The following AP2B1 variants were observed in gnomAD, a reference collection of about 807,000 sequenced individuals.
AP2B1 encodes the protein adaptor related protein complex 2 subunit beta 1, also known as AP-2 complex subunit beta.
In AP2B1, 23 loss-of-function variants were observed where a neutral mutation model predicts 102.0. The ratio of observed to expected loss-of-function variants is 0.23; its 90% CI spans 0.16 to 0.32. The LOEUF is 0.32. AP2B1 is among the 10% of genes least tolerant of loss of function. The probability of loss-of-function intolerance (pLI) is 1.00; values close to 1 mark genes in which losing one functional copy is unlikely to be tolerated. For synonymous variants in AP2B1, 381 were observed against 421.2 expected (o/e 0.90, Z 1.17); for missense variants, 541 against 1,157.4 (o/e 0.47, Z 7.73).
At chr17:35,613,940 T>A (rs149103374) in intron 5 of AP2B1, among the ~76,000 whole-genome samples, 2 of 152,338 alleles carry the variant, frequency 1.3e-5, no homozygotes, top group East Asian at 3.9e-4. Context: ...TGGTTTTTTT[T>A]ACAAATGTCA....
chr17:35,675,249 C>G (rs901985405), intron 17 of AP2B1, among the ~76,000 whole-genome samples: 3 of 152,196 alleles, frequency 2.0e-5, no homozygotes, highest in African/African-American at 4.8e-5. Flanking sequence ...ACCTTAATGG[C>G]ATGTCCATTC....
intron 20 of AP2B1, among the ~76,000 whole-genome samples, chr17:35,714,832 G>A (rs1186565748): frequency 6.6e-6 from 1 of 152,188 alleles, no homozygotes; most frequent in Non-Finnish European, 1.5e-5. Flanking sequence ...TTATGCCTCA[G>A]ATGATATCAT....
At chr17:35,605,999 T>C (rs528207245) in intron 4 of AP2B1, among the ~76,000 whole-genome samples, 159 bp downstream of exon 4, 1 of 152,302 alleles carries the variant, frequency 6.6e-6, no homozygotes, top group South Asian at 2.1e-4. Context: ...ATTCAAACCA[T>C]GTGCTGAGCT....
At chr17:35,616,099 C>T (rs1423389800) in intron 5 of AP2B1, among the ~76,000 whole-genome samples, 3 of 141,546 alleles carry the variant, frequency 2.1e-5, no homozygotes, top group Admixed American at 7.1e-5. Flanking sequence ...AAAATCATTA[C>T]GTCGTTTTAT....
intron 12 of AP2B1, among the ~76,000 whole-genome samples, chr17:35,647,124 A>G (rs1178966164): frequency 1.3e-5 from 2 of 152,212 alleles, no homozygotes; most frequent in Non-Finnish European, 2.9e-5. Context: ...TAAAAACCAT[A>G]CTTTACAAAT....
At chr17:35,648,088 CAG>C (rs2074986486) in intron 12 of AP2B1, among the ~76,000 whole-genome samples, 1 of 152,086 alleles carries the variant, frequency 6.6e-6, no homozygotes, top group South Asian at 2.1e-4. Flanking sequence ...GAAATTGAAA[CAG>C]GGACTTATTG....
At chr17:35,708,487 G>A (rs1555585929) in intron 18 of AP2B1, among the ~76,000 whole-genome samples, 1 of 151,952 alleles carries the variant, frequency 6.6e-6, no homozygotes, top group Non-Finnish European at 1.5e-5. Flanking sequence ...AGCAGGCTAT[G>A]GTAGAATCAT....
In AP2B1 at chr17:35,660,483, T is replaced by C. The variant is rs79609185; in HGVS notation, c.1989+2692T>C. On this transcript the variant is annotated intron_variant, in intron 14 of 21. Transcript: ENST00000610402. ...GATACCTTTTTCTTTTTCTCTCTCT[T>C]TTTTTTTTTTTTTTTTGGAGGTGGA... 1.1e-3 allele frequency among the ~76,000 whole-genome samples: 150 copies of C among 132,798 alleles called. 1 individual carries two copies. In the East Asian group the frequency reaches 0.014, roughly 12 times the overall value. The allele number at this position is 132,798 out of a possible 152,430, so 87.1% of individuals were successfully genotyped here.
At chr17:35,666,750 ACT>A (rs1429964652) in intron 14 of AP2B1, among the ~76,000 whole-genome samples, 2 of 151,914 alleles carry the variant, frequency 1.3e-5, no homozygotes, top group Non-Finnish European at 2.9e-5. Flanking sequence ...AACAGATATC[ACT>A]CTGAGTTTTA....
rs528261789 is a variant in AP2B1 at position 35,619,449 on chromosome 17, C to G, written c.526-4948C>G. 4.0e-5 allele frequency among the ~76,000 whole-genome samples: 6 copies of G among 151,566 alleles called. No individual in the cohort carries two copies. In the East Asian group the frequency reaches 9.7e-4, roughly 25 times the overall value. On this transcript the variant is annotated intron_variant, in intron 5 of 21. Transcript: ENST00000610402. Reference sequence around the variant, plus strand: ...CCTGAGGCCAGGAGTTTGAGAGAAGCCTGGGCAACATAGTGAGACCCTGTT... The same window carrying G: ...CCTGAGGCCAGGAGTTTGAGAGAAGGCTGGGCAACATAGTGAGACCCTGTT...
At chr17:35,588,930 C>T (rs2072993498) in intron 1 of AP2B1, among the ~76,000 whole-genome samples, 1 of 152,148 alleles carries the variant, frequency 6.6e-6, no homozygotes. Context: ...TTTTGAAATA[C>T]TAACTTTTTA....
chr17:35,722,191 C>T (rs2085416913), intron 21 of AP2B1, among the ~76,000 whole-genome samples: 1 of 152,170 alleles, frequency 6.6e-6, no homozygotes, highest in Non-Finnish European at 1.5e-5. Flanking sequence ...TTGCAGTGTA[C>T]TGAGATCACG....
At chr17:35,696,905 C>A (rs955102028) in intron 18 of AP2B1, among the ~76,000 whole-genome samples, 1 of 152,188 alleles carries the variant, frequency 6.6e-6, no homozygotes, top group Non-Finnish European at 1.5e-5. Flanking sequence ...GGGCCTGGAA[C>A]GATGTCTGGC....
At chr17:35,720,545 T>TTATATATATATATATATA (rs1213888032) in intron 21 of AP2B1, among the ~76,000 whole-genome samples, 20 of 54,366 alleles carry the variant, frequency 3.7e-4, no homozygotes, top group African/African-American at 1.5e-3. Context: ...TTTATTTTAT[T>TTATATATATATATATATA]TATATATATA....
intron 6 of AP2B1, among the ~76,000 whole-genome samples, chr17:35,625,439 G>GT (rs1274636574): frequency 6.6e-6 from 1 of 152,126 alleles, no homozygotes; most frequent in Non-Finnish European, 1.5e-5. Flanking sequence ...TACAAATATA[G>GT]TCTGGAAATA....
At chr17:35,660,857 G>T (rs951412123) in intron 14 of AP2B1, among the ~76,000 whole-genome samples, 1 of 152,164 alleles carries the variant, frequency 6.6e-6, no homozygotes, top group African/African-American at 2.4e-5. Context: ...TTAATTCAGA[G>T]GGCAAGAAAC....
intron 3 of AP2B1, 100 bp from the exon 4 acceptor site, chr17:35,605,605 T>C: frequency 2.4e-6 from 2 of 823,342 alleles, no homozygotes. Context: ...CATTTGTTCT[T>C]GCATCAAATC....
At chr17:35,604,301 G>A (rs747615268) in intron 3 of AP2B1, among the ~76,000 whole-genome samples, 2 of 151,942 alleles carry the variant, frequency 1.3e-5, no homozygotes, top group East Asian at 1.9e-4. Context: ...TAGAGACGAG[G>A]TCTCACTATG....
intron 1 of AP2B1, among the ~76,000 whole-genome samples, chr17:35,593,251 C>T (rs998564195): frequency 5.9e-5 from 9 of 151,848 alleles, no homozygotes; most frequent in East Asian, 1.9e-4. Flanking sequence ...AGGGTGACTG[C>T]GGTCAACAAT....
Sources: allele counts gnomAD v4.1 joint callset (sites outside exome capture counted in the v4.1 genomes callset), GRCh38; gene constraint gnomAD v4.1.1; transcripts MANE v1.5; gene names NCBI Gene and HGNC (gene_info 2026-07-23, HGNC 2026-07-21).